Variants in LRRC4C observed in about 807,000 individuals in gnomAD.
LRRC4C encodes the protein leucine rich repeat containing 4C.
A neutral mutation model predicts 33.6 loss-of-function variants in LRRC4C; 5 were observed. The observed-to-expected ratio is 0.15, with a 90% CI of 0.08 to 0.31. LRRC4C has a LOEUF of 0.31. Ranked by LOEUF, LRRC4C falls within the 10% of genes least tolerant of loss-of-function variation. The pLI, the probability that LRRC4C is intolerant of heterozygous loss-of-function variation, is 1.00. For synonymous variants in LRRC4C, 329 were observed against 302.0 expected (o/e 1.09, Z -0.93); for missense variants, 560 against 796.7 (o/e 0.70, Z 3.58).
At chr11:40,385,907 A>AAAAT (rs1455926780) in intron 3 of LRRC4C, among the ~76,000 whole-genome samples, 1 of 130,536 alleles carries the variant, frequency 7.7e-6, no homozygotes, top group African/African-American at 2.6e-5. Context: ...AAAATAAAAT[A>AAAAT]AAAAAATAAA....
intron 1 of LRRC4C, among the ~76,000 whole-genome samples, chr11:41,287,234 G>A (rs1949856270): frequency 6.6e-6 from 1 of 152,048 alleles, no homozygotes; most frequent in Admixed American, 6.5e-5. Context: ...TCATGATCTG[G>A]TTATTACATA....
chr11:40,877,296 C>G (rs780409206), intron 2 of LRRC4C, among the ~76,000 whole-genome samples: 1 of 152,068 alleles, frequency 6.6e-6, no homozygotes, highest in Non-Finnish European at 1.5e-5. Flanking sequence ...TCAGTTTTCC[C>G]GACATGTAAT....
intron 2 of LRRC4C, among the ~76,000 whole-genome samples, chr11:40,872,726 T>C (rs912089994): frequency 6.6e-6 from 1 of 152,162 alleles, no homozygotes; most frequent in African/African-American, 2.4e-5. Context: ...TACTGTGGCA[T>C]AAATTTTATA....
chr11:40,857,188 C>T (rs1325259966), intron 2 of LRRC4C, among the ~76,000 whole-genome samples: 1 of 152,124 alleles, frequency 6.6e-6, no homozygotes, highest in Non-Finnish European at 1.5e-5. Flanking sequence ...TGTTTAGGAC[C>T]ACACACATTT....
chr11:41,232,257 G>C (rs1470112741), intron 1 of LRRC4C, among the ~76,000 whole-genome samples: 1 of 152,014 alleles, frequency 6.6e-6, no homozygotes, highest in African/African-American at 2.4e-5. Flanking sequence ...AACACTCTGA[G>C]ACTATGAGAT....
At chr11:40,341,731 G>C (rs1197893299) in intron 3 of LRRC4C, among the ~76,000 whole-genome samples, 1 of 151,960 alleles carries the variant, frequency 6.6e-6, no homozygotes, top group East Asian at 1.9e-4. Flanking sequence ...TCTTCTTTCA[G>C]AGTTCAAAAG....
intron 6 of LRRC4C, among the ~76,000 whole-genome samples, chr11:40,130,545 A>T (rs1232919626): frequency 6.6e-6 from 1 of 152,208 alleles, no homozygotes; most frequent in Non-Finnish European, 1.5e-5. Context: ...GCCCATCAAT[A>T]GTTCCCCAGT....
chr11:41,242,748 T>G (rs1220613412), intron 1 of LRRC4C, among the ~76,000 whole-genome samples: 1 of 152,176 alleles, frequency 6.6e-6, no homozygotes, highest in Non-Finnish European at 1.5e-5. Context: ...CTATTAATCC[T>G]GTCTTACAGA....
At chr11:40,564,351 A>G (rs1359682075) in intron 3 of LRRC4C, among the ~76,000 whole-genome samples, 1 of 152,222 alleles carries the variant, frequency 6.6e-6, no homozygotes, top group African/African-American at 2.4e-5. Flanking sequence ...GACATATTAC[A>G]TGAGTCTAGA....
chr11:40,653,028 G>A (rs1342236694), intron 2 of LRRC4C, among the ~76,000 whole-genome samples: 4 of 152,182 alleles, frequency 2.6e-5, no homozygotes, highest in Admixed American at 6.5e-5. Flanking sequence ...GGTGCCTTCT[G>A]CCATGATTGT....
At chr11:40,859,892 C>T (rs372776710) in intron 2 of LRRC4C, among the ~76,000 whole-genome samples, 11 of 151,850 alleles carry the variant, frequency 7.2e-5, no homozygotes, top group South Asian at 6.2e-4. Flanking sequence ...CTGGCTAACA[C>T]GGTGAAACCC....
chr11:40,929,429 AC>A (rs947367947), intron 2 of LRRC4C, among the ~76,000 whole-genome samples: 13 of 152,282 alleles, frequency 8.5e-5, no homozygotes, highest in African/African-American at 3.1e-4. Context: ...AAGTAGTGCA[AC>A]TATTGGCCAT....
intron 4 of LRRC4C, among the ~76,000 whole-genome samples, chr11:40,303,502 T>G (rs1944882013): frequency 6.6e-6 from 1 of 152,124 alleles, no homozygotes; most frequent in African/African-American, 2.4e-5. Flanking sequence ...CAAGCTTATA[T>G]TAGATTAGCA....
intron 2 of LRRC4C, among the ~76,000 whole-genome samples, chr11:40,859,622 C>CA (rs1315547004): frequency 8.6e-5 from 13 of 151,384 alleles, no homozygotes; most frequent in African/African-American, 3.2e-4. Context: ...AAATAAAATT[C>CA]AAAAAAAGAG....
chr11:40,711,166 T>G (rs1946444719), intron 2 of LRRC4C, among the ~76,000 whole-genome samples: 1 of 152,216 alleles, frequency 6.6e-6, no homozygotes, highest in Non-Finnish European at 1.5e-5. Context: ...AGTGACGCCC[T>G]GCTCTGTTTT....
At chr11:41,390,525 C>T (rs531450661) in intron 1 of LRRC4C, among the ~76,000 whole-genome samples, 2 of 151,996 alleles carry the variant, frequency 1.3e-5, no homozygotes, top group African/African-American at 4.8e-5. Context: ...TTCAGCATTC[C>T]TAAACCCTTT....
rs189419034 is a variant in LRRC4C at position 40,374,324 on chromosome 11, G to A, written c.-269-54603C>T. ...TTAGTCTTATTTATTCATTCTGTAT[G>A]CATTTATTAATTCCCTAATCTGTAT... On this transcript the variant is annotated intron_variant, in intron 3 of 6. Transcript: ENST00000528697. 2.4e-3 allele frequency among the ~76,000 whole-genome samples: 361 copies of A among 152,208 alleles called. 9 individuals carry two copies. Among genetic ancestry groups the A allele is most frequent in the Admixed American group, 0.022 (339 of 15,270 alleles).
chr11:41,168,108 T>C (rs1406631643), intron 1 of LRRC4C, among the ~76,000 whole-genome samples: 2 of 152,176 alleles, frequency 1.3e-5, no homozygotes, highest in South Asian at 2.1e-4. Context: ...CAGGCATATA[T>C]ATCCCACCTG....
chr11:40,119,437 CA>C (rs1565009762), intron 6 of LRRC4C, among the ~76,000 whole-genome samples: 1 of 152,110 alleles, frequency 6.6e-6, no homozygotes, highest in African/African-American at 2.4e-5. Flanking sequence ...ATTGACTTTT[CA>C]CACGATCTGG....
Sources: gnomAD v4.1 joint callset for allele counts (sites outside exome capture counted in the v4.1 genomes callset) on GRCh38, gnomAD v4.1.1 for gene constraint, MANE v1.5 for transcripts, NCBI Gene and HGNC (gene_info 2026-07-23, HGNC 2026-07-21) for gene names.